Variants in SLC5A11 observed in about 807,000 individuals in gnomAD.
SLC5A11 encodes sodium/myo-inositol cotransporter 2.
A neutral mutation model predicts 69.8 loss-of-function variants in SLC5A11; 48 were observed. The ratio of observed to expected loss-of-function variants is 0.69; its 90% CI spans 0.55 to 0.87. The LOEUF is 0.87. Ranked by LOEUF, SLC5A11 falls within the 40% of genes least tolerant of loss-of-function variation. SLC5A11 has a pLI of 0.00. For synonymous variants in SLC5A11, 319 were observed against 342.4 expected (o/e 0.93, Z 0.75); for missense variants, 784 against 866.1 (o/e 0.91, Z 1.19).
chr16:24,860,264 G>T (rs1425757815), intron 2 of SLC5A11, among the ~76,000 whole-genome samples: 1 of 152,106 alleles, frequency 6.6e-6, no homozygotes, highest in African/African-American at 2.4e-5. Context: ...TCCAGCCTGG[G>T]CGACAGAGTG....
intron 6 of SLC5A11, among the ~76,000 whole-genome samples, chr16:24,876,625 C>T (rs772606862): frequency 1.6e-4 from 24 of 152,308 alleles, no homozygotes; most frequent in Admixed American, 3.9e-4. Context: ...AGTGAATCTA[C>T]GCCAGCTCCA....
chr16:24,883,760 G>A (rs931119450), intron 7 of SLC5A11, among the ~76,000 whole-genome samples: 20 of 152,138 alleles, frequency 1.3e-4, no homozygotes, highest in Admixed American at 1.2e-3. Flanking sequence ...AAGCTGCAGG[G>A]CTCCTTGAGG....
At chr16:24,870,344 G>A (rs1046087218) in intron 4 of SLC5A11, among the ~76,000 whole-genome samples, 4 of 151,890 alleles carry the variant, frequency 2.6e-5, no homozygotes, top group African/African-American at 9.7e-5. Context: ...AGTGAGCAGA[G>A]ATTGCACTAC....
chr16:24,903,585 AGT>A (rs2049807479), intron 10 of SLC5A11, among the ~76,000 whole-genome samples: 1 of 152,072 alleles, frequency 6.6e-6, no homozygotes, highest in Non-Finnish European at 1.5e-5. Flanking sequence ...TCCACATATG[AGT>A]GAGAGTATGC....
At chr16:24,891,223 A>T in intron 9 of SLC5A11, 149 bp downstream of exon 10, 1 of 699,070 alleles carries the variant, frequency 1.4e-6, no homozygotes, top group South Asian at 2.0e-5. Context: ...ATTGCTCTAC[A>T]TGCTATTTTA....
intron 9 of SLC5A11, among the ~76,000 whole-genome samples, chr16:24,893,116 C>CAAAAAAAAA (rs58331547): frequency 6.2e-3 from 612 of 98,448 alleles, no homozygotes; most frequent in African/African-American, 8.7e-3. Flanking sequence ...ACTAAAAATA[C>CAAAAAAAAA]AAAAAAAAAA....
intron 10 of SLC5A11, among the ~76,000 whole-genome samples, chr16:24,898,764 C>T (rs1456270488): frequency 6.6e-6 from 1 of 152,056 alleles, no homozygotes; most frequent in Non-Finnish European, 1.5e-5. Flanking sequence ...GTGATCCACC[C>T]ACCTTGGCCT....
At chr16:24,881,219 G>A (rs80171451) in intron 7 of SLC5A11, among the ~76,000 whole-genome samples, 4 of 150,848 alleles carry the variant, frequency 2.7e-5, no homozygotes, top group Non-Finnish European at 5.9e-5. Context: ...AAAAAAAAAA[G>A]CTGTTCTGAC....
intron 8 of SLC5A11, among the ~76,000 whole-genome samples, chr16:24,889,246 G>A (rs1352111217): frequency 6.6e-6 from 1 of 152,112 alleles, no homozygotes; most frequent in East Asian, 1.9e-4. Context: ...ACTTTGGGAG[G>A]CTGAGGCAGG....
intron 2 of SLC5A11, among the ~76,000 whole-genome samples, chr16:24,861,807 G>T (rs1343155341): frequency 8.9e-6 from 1 of 112,448 alleles, no homozygotes; most frequent in East Asian, 2.9e-4. Context: ...AGAAAGAAAA[G>T]AAAAAAGAAA....
chr16:24,874,741 C>T (rs2047558682), intron 5 of SLC5A11, among the ~76,000 whole-genome samples: 1 of 151,938 alleles, frequency 6.6e-6, no homozygotes, highest in Admixed American at 6.6e-5. Flanking sequence ...GCCACCATGC[C>T]CAGCTAATTT....
chr16:24,847,471 A>G lies in SLC5A11; in HGVS notation c.-25+1033A>G, dbSNP rs574472906. Among the ~76,000 whole-genome samples, 8 of 151,016 alleles carry G rather than the reference A, an allele frequency of 5.3e-5. No individual in the cohort carries two copies. In the East Asian group the frequency reaches 7.8e-4, roughly 15 times the overall value. ...TTCACAGGGTCTCTCTGTGTTGCCC[A>G]GGCTGAAATGTAGTACTATCATAGC... On this transcript the variant is annotated intron_variant, in intron 1 of 15. Transcript: ENST00000347898.
intron 8 of SLC5A11, among the ~76,000 whole-genome samples, chr16:24,884,876 G>T (rs2048297624): frequency 6.6e-6 from 1 of 151,694 alleles, no homozygotes; most frequent in Non-Finnish European, 1.5e-5. Context: ...AAGTAGCTGG[G>T]CCCACAGGTG....
chr16:24,867,403 A>G (rs371255687), intron 3 of SLC5A11, among the ~76,000 whole-genome samples: 1 of 152,174 alleles, frequency 6.6e-6, no homozygotes, highest in East Asian at 1.9e-4. Context: ...CACAATGCCC[A>G]TATTAAAAAA....
intron 3 of SLC5A11, among the ~76,000 whole-genome samples, chr16:24,866,133 A>G (rs2046901915): frequency 1.3e-5 from 2 of 150,164 alleles, no homozygotes; most frequent in African/African-American, 4.9e-5. Flanking sequence ...GAAGAATAAG[A>G]AGGACACTAG....
At chr16:24,856,467 A>C (rs568342007) in intron 1 of SLC5A11, among the ~76,000 whole-genome samples, 1 of 151,850 alleles carries the variant, frequency 6.6e-6, no homozygotes, top group South Asian at 2.1e-4. Flanking sequence ...TTAAAAAATA[A>C]AATAGGCCGG....
intron 5 of SLC5A11, among the ~76,000 whole-genome samples, chr16:24,874,009 T>C (rs947726300): frequency 1.3e-5 from 2 of 152,098 alleles, no homozygotes; most frequent in Non-Finnish European, 2.9e-5. Flanking sequence ...GTATTTTTAG[T>C]AGAGATGGGG....
chr16:24,886,494 A>C (rs2048407758), intron 8 of SLC5A11, among the ~76,000 whole-genome samples: 1 of 151,986 alleles, frequency 6.6e-6, no homozygotes, highest in African/African-American at 2.4e-5. Context: ...AGAAATGTTT[A>C]TTCTTAGAAA....
intron 2 of SLC5A11, among the ~76,000 whole-genome samples, chr16:24,860,317 G>A (rs1315029884): frequency 2.0e-5 from 3 of 151,996 alleles, no homozygotes; most frequent in South Asian, 2.1e-4. Context: ...TTAGCCAGAC[G>A]TGGTGGTGGG....
Sources: allele counts gnomAD v4.1 joint callset (sites outside exome capture counted in the v4.1 genomes callset), GRCh38; gene constraint gnomAD v4.1.1; transcripts MANE v1.5; gene names NCBI Gene and HGNC (gene_info 2026-07-23, HGNC 2026-07-21).